MACROD2: variants seen among roughly 807,000 people sequenced by gnomAD.
The protein encoded by MACROD2 is ADP-ribose glycohydrolase MACROD2.
Under a neutral mutation model 70.4 loss-of-function variants are expected in MACROD2, and 36 were observed. The ratio of observed to expected loss-of-function variants is 0.51; its 90% confidence interval spans 0.39 to 0.68. MACROD2 has a LOEUF of 0.68. MACROD2 is among the 30% of genes least tolerant of loss of function. MACROD2 has a pLI of 0.00. For missense variants in MACROD2, 496 were observed against 538.4 expected, an observed-to-expected ratio of 0.92 and a Z score of 0.78; for synonymous variants, 172 against 178.8, an observed-to-expected ratio of 0.96 and a Z score of 0.30.
chr20:15,508,195 C>T (rs7272526), intron 8 of MACROD2, among the ~76,000 whole-genome samples: 3,657 of 152,080 alleles, frequency 0.024, 146 homozygotes, highest in African/African-American at 0.083. Context: ...CCTCAGCCAG[C>T]CCTCCTGAAC....
Position 15,350,222 on chromosome 20 carries a change from G to C in MACROD2, c.541-81183G>C, listed in dbSNP as rs149014682. Among the ~76,000 whole-genome samples, 19 of 152,290 alleles carry C rather than the reference G, an allele frequency of 1.2e-4. No homozygotes were observed. The East Asian group carries it at 3.3e-3, about 26-fold the overall frequency. On this transcript the variant is annotated intron_variant, in intron 6 of 17. Transcript: ENST00000684519. The stretch of plus-strand genomic sequence containing the variant: ...TTCGTCATTATAGCTTTGGTTGCTA[G>C]TCTTCAATAAGGCTGCAGTGATCAT...
intron 2 of MACROD2, among the ~76,000 whole-genome samples, chr20:14,071,252 GTTTTTTTTTTTT>G (rs59052053): frequency 4.7e-5 from 3 of 63,954 alleles, no homozygotes; most frequent in South Asian, 1.3e-3. Flanking sequence ...TTCATCTTGT[GTTTTTTTTTTTT>G]TTTTTTTTTT....
intron 8 of MACROD2, among the ~76,000 whole-genome samples, chr20:15,680,178 G>A (rs2050141482): frequency 6.6e-6 from 1 of 152,166 alleles, no homozygotes; most frequent in Admixed American, 6.5e-5. Flanking sequence ...GATGGCTTTA[G>A]CATTGGATAT....
At chr20:14,247,769 A>G (rs940637407) in intron 3 of MACROD2, among the ~76,000 whole-genome samples, 15 of 152,232 alleles carry the variant, frequency 9.9e-5, no homozygotes, top group African/African-American at 3.4e-4. Context: ...ATGTCAGTTT[A>G]TAAAATCAAA....
intron 5 of MACROD2, among the ~76,000 whole-genome samples, chr20:14,704,611 C>T (rs1038802072): frequency 2.6e-5 from 4 of 152,140 alleles, no homozygotes; most frequent in Admixed American, 6.5e-5. Flanking sequence ...GCCTGTTTTC[C>T]TCCCTCTAGC....
chr20:14,546,978 G>A (rs1028136407), intron 4 of MACROD2, among the ~76,000 whole-genome samples: 2 of 151,662 alleles, frequency 1.3e-5, no homozygotes, highest in Non-Finnish European at 2.9e-5. Flanking sequence ...TTGGGTCCAG[G>A]CTTTACATAA....
At chr20:15,282,827 C>T (rs1322603443) in intron 6 of MACROD2, among the ~76,000 whole-genome samples, 1 of 152,160 alleles carries the variant, frequency 6.6e-6, no homozygotes, top group Non-Finnish European at 1.5e-5. Context: ...ATTAGCAGTG[C>T]CCCACTCTCA....
At chr20:15,981,961 C>T (rs191995864) in intron 13 of MACROD2, among the ~76,000 whole-genome samples, 7 of 151,896 alleles carry the variant, frequency 4.6e-5, no homozygotes, top group African/African-American at 1.7e-4. Flanking sequence ...AAATATGATT[C>T]TTGACAGACA....
intron 5 of MACROD2, among the ~76,000 whole-genome samples, chr20:14,953,545 T>C (rs1055244068): frequency 1.3e-5 from 2 of 152,110 alleles, no homozygotes; most frequent in Non-Finnish European, 2.9e-5. Flanking sequence ...GACCTCATGG[T>C]CCGCCCACCT....
At chr20:14,658,701 C>T (rs747865262) in intron 4 of MACROD2, among the ~76,000 whole-genome samples, 18 of 152,196 alleles carry the variant, frequency 1.2e-4, no homozygotes, top group Non-Finnish European at 1.6e-4. Context: ...GCAACCTCCG[C>T]CTACCAGGTT....
chr20:14,611,452 G>GTTTTT (rs11473891), intron 4 of MACROD2, among the ~76,000 whole-genome samples: 6 of 113,370 alleles, frequency 5.3e-5, no homozygotes, highest in African/African-American at 2.0e-4. Context: ...ATGCCCTGAG[G>GTTTTT]TTTTTTTTTT....
chr20:14,068,136 G>A (rs777385041), intron 2 of MACROD2, among the ~76,000 whole-genome samples: 8 of 152,106 alleles, frequency 5.3e-5, no homozygotes, highest in East Asian at 1.9e-4. Context: ...TTGAGTGCTC[G>A]CCCTTCCAAT....
rs759471705 is a variant in MACROD2, at chr20:14,295,756, T to C, written c.272-197723T>C. Among the ~76,000 whole-genome samples the C allele has an allele frequency of 5.4e-4, 82 of 151,946 alleles. 1 individual carries two copies. Among genetic ancestry groups the C allele is most frequent in the Non-Finnish European group, 1.9e-4 (13 of 68,008 alleles). Reference sequence around the variant, plus strand: ...TCATCTCACAAGCAGTAGTTCCAGATTTCAGTCCAACTAGGAAGACACTGT... The same window carrying C: ...TCATCTCACAAGCAGTAGTTCCAGACTTCAGTCCAACTAGGAAGACACTGT... On this transcript the variant is annotated intron_variant, in intron 3 of 17. Transcript: ENST00000684519.
Position 14,691,770 on chromosome 20 carries a change from C to G in MACROD2, c.418+6811C>G, listed in dbSNP as rs555705293. On this transcript the variant is annotated intron_variant, in intron 5 of 17. Coordinates refer to ENST00000684519, the MANE Select transcript of MACROD2 (RefSeq NM_001351661.2). ...GCTGCTAGGAGTATGACTCTGCCAG[C>G]CTTTGATGAAGACCTGAGGGCCCTC... 1.1e-4 allele frequency among the ~76,000 whole-genome samples: 17 copies of G among 152,222 alleles called. 1 individual carries two copies. In the South Asian group the frequency reaches 3.3e-3, roughly 30 times the overall value.
chr20:15,381,884 A>G (rs1197405532), intron 6 of MACROD2, among the ~76,000 whole-genome samples: 1 of 152,156 alleles, frequency 6.6e-6, no homozygotes, highest in Non-Finnish European at 1.5e-5. Flanking sequence ...AGTAAAATGG[A>G]TGTGTATAAA....
intron 6 of MACROD2, among the ~76,000 whole-genome samples, chr20:15,384,234 A>T (rs1189304148): frequency 6.6e-6 from 1 of 152,126 alleles, no homozygotes; most frequent in Non-Finnish European, 1.5e-5. Context: ...AAGGTCCAAG[A>T]CAGATCCAAT....
At chr20:14,187,592 A>C (rs967855025) in intron 3 of MACROD2, among the ~76,000 whole-genome samples, 1 of 152,200 alleles carries the variant, frequency 6.6e-6, no homozygotes, top group Non-Finnish European at 1.5e-5. Context: ...TTTGATCTAA[A>C]AGTTAGTCCA....
intron 8 of MACROD2, among the ~76,000 whole-genome samples, chr20:15,625,814 T>A (rs2049193345): frequency 6.6e-6 from 1 of 150,802 alleles, no homozygotes. Context: ...GCAAACTTTC[T>A]TCTCTCTCCT....
At chr20:14,742,370 G>A (rs1389882165) in intron 5 of MACROD2, among the ~76,000 whole-genome samples, 1 of 152,002 alleles carries the variant, frequency 6.6e-6, no homozygotes, top group Non-Finnish European at 1.5e-5. Context: ...ATGGAGTCAT[G>A]GTCACATATA....
Sources: gnomAD v4.1 joint callset for allele counts (sites outside exome capture counted in the v4.1 genomes callset) on GRCh38, gnomAD v4.1.1 for gene constraint, MANE v1.5 for transcripts, NCBI Gene and HGNC (gene_info 2026-07-23, HGNC 2026-07-21) for gene names.